Variants in ABCA13 observed in about 807,000 individuals in gnomAD.
ABCA13 encodes ATP-binding cassette sub-family A member 13.
ABCA13 carries 476 observed loss-of-function variants against 478.7 expected under a neutral mutation model. The ratio of observed to expected loss-of-function variants is 0.99; its 90% CI spans 0.92 to 1.07. ABCA13 has a LOEUF of 1.07. Among genes scored for constraint, ABCA13 ranks in the 50% least tolerant of loss-of-function variants. The probability of loss-of-function intolerance (pLI) is 0.00; values close to 1 mark genes in which losing one functional copy is unlikely to be tolerated. For missense variants in ABCA13, 6,060 were observed against 5,910.6 expected, an observed-to-expected ratio of 1.03 and a Z score of -0.83; for synonymous variants, 2,252 against 2,158.9, an observed-to-expected ratio of 1.04 and a Z score of -1.20.
intron 15 of ABCA13, among the ~76,000 whole-genome samples, chr7:48,249,661 C>T (rs950430887): frequency 1.3e-5 from 2 of 152,150 alleles, no homozygotes; most frequent in African/African-American, 4.8e-5. Context: ...TGATCCTACT[C>T]ACAAGAGTCC....
chr7:48,307,608 A>T (rs1801096681), intron 23 of ABCA13, among the ~76,000 whole-genome samples: 1 of 151,654 alleles, frequency 6.6e-6, no homozygotes, highest in Admixed American at 6.6e-5. Context: ...CTACATTTAT[A>T]AAAAAAAATT....
At chr7:48,630,487 C>T (rs962918838) in intron 59 of ABCA13, among the ~76,000 whole-genome samples, 2 of 152,124 alleles carry the variant, frequency 1.3e-5, no homozygotes, top group East Asian at 1.9e-4. Flanking sequence ...GCAGAAGACA[C>T]GATCTTGTTC....
intron 59 of ABCA13, chr7:48,627,099 T>C (rs1345481427): frequency 2.1e-6 from 2 of 944,204 alleles, no homozygotes; most frequent in African/African-American, 3.5e-5. Context: ...TGCCAAATGC[T>C]TTCTGTGCAT....
intron 8 of ABCA13, among the ~76,000 whole-genome samples, chr7:48,235,661 G>A (rs1365419946): frequency 6.6e-6 from 1 of 152,124 alleles, no homozygotes; most frequent in African/African-American, 2.4e-5. Flanking sequence ...GAGGTCAAGG[G>A]GACATACTGT....
At chr7:48,559,744 G>A (rs1786254595) in intron 55 of ABCA13, among the ~76,000 whole-genome samples, 1 of 152,090 alleles carries the variant, frequency 6.6e-6, no homozygotes, top group South Asian at 2.1e-4. Flanking sequence ...TTTCGTCATC[G>A]AGTGATGAGT....
At chr7:48,467,110 A>G (rs4917154) in intron 44 of ABCA13, 65 bp downstream of exon 44, 201,015 of 1,436,738 alleles carry the variant, frequency 0.14, 16,619 homozygotes, top group African/African-American at 0.3. Flanking sequence ...GCCTGGGAGG[A>G]CTGTTTTTCT....
chr7:48,530,995 A>C (rs1243008904), intron 55 of ABCA13, among the ~76,000 whole-genome samples: 1 of 152,132 alleles, frequency 6.6e-6, no homozygotes, highest in Non-Finnish European at 1.5e-5. Context: ...TAGCTTAATT[A>C]AGTCCCATCT....
chr7:48,353,047 G>A (rs917318767), intron 31 of ABCA13, among the ~76,000 whole-genome samples: 4 of 151,880 alleles, frequency 2.6e-5, no homozygotes, highest in African/African-American at 9.7e-5. Context: ...GACTTGGAGG[G>A]GACATCATGG....
chr7:48,506,530 C>G, intron 49 of ABCA13, 140 bp downstream of exon 49: 2 of 903,262 alleles, frequency 2.2e-6, no homozygotes, highest in South Asian at 3.0e-5. Flanking sequence ...GCCCACAGGA[C>G]TTGGGCATTT....
intron 58 of ABCA13, among the ~76,000 whole-genome samples, chr7:48,603,456 C>T (rs775276664): frequency 1.6e-4 from 25 of 152,170 alleles, no homozygotes; most frequent in Non-Finnish European, 3.4e-4. Flanking sequence ...TGAATTTTGT[C>T]GAAGGCTTTT....
At chr7:48,371,347 A>G (rs953501145) in intron 32 of ABCA13, among the ~76,000 whole-genome samples, 1 of 152,194 alleles carries the variant, frequency 6.6e-6, no homozygotes, top group African/African-American at 2.4e-5. Context: ...TGGGAATAGC[A>G]TTGAATCTAT....
In ABCA13 at chr7:48,647,221, C is replaced by T. The variant is rs1795483965; in HGVS notation, c.*1709C>T. ...AAATCTCTATTTCCTAAATATCATT[C>T]TATACAAAAGATATTTTTTAAACGG... On this transcript the variant is annotated 3_prime_UTR_variant, in exon 62 of 62. Coordinates refer to ENST00000435803, the MANE Select transcript of ABCA13 (RefSeq NM_152701.5). 6.6e-6 allele frequency: 1 copy of T among 152,140 alleles called. No individual in the cohort carries two copies. Among genetic ancestry groups the T allele is most frequent in the South Asian group, 2.1e-4 (1 of 4,814 alleles). The allele number at this position is 152,140 out of a possible 1,614,324, so 9.4% of individuals were successfully genotyped here. A position where few individuals can be genotyped will look rare whatever the true frequency, so the allele number is the denominator to read the frequency against.
At chr7:48,579,776 G>T (rs1490235742) in intron 55 of ABCA13, among the ~76,000 whole-genome samples, 1 of 152,154 alleles carries the variant, frequency 6.6e-6, no homozygotes, top group African/African-American at 2.4e-5. Flanking sequence ...CTATGGGAAG[G>T]TGAGGGGAGG....
chr7:48,624,406 A>G (rs1276582569), intron 59 of ABCA13, among the ~76,000 whole-genome samples: 2 of 152,126 alleles, frequency 1.3e-5, no homozygotes, highest in Non-Finnish European at 2.9e-5. Context: ...CTGACTTGGT[A>G]AAAACACTCC....
chr7:48,424,113 T>A (rs1475421484), intron 41 of ABCA13, among the ~76,000 whole-genome samples: 1 of 152,224 alleles, frequency 6.6e-6, no homozygotes, highest in Non-Finnish European at 1.5e-5. Context: ...CTTCTTAAAT[T>A]GGAAAGTGTA....
At chr7:48,294,062 T>C (rs1798976591) in intron 20 of ABCA13, among the ~76,000 whole-genome samples, 1 of 152,150 alleles carries the variant, frequency 6.6e-6, no homozygotes, top group Non-Finnish European at 1.5e-5. Context: ...TTGAAAAGCC[T>C]CAAGTTTCTT....
At chr7:48,327,529 C>A (rs1804525638) in intron 27 of ABCA13, among the ~76,000 whole-genome samples, 1 of 152,140 alleles carries the variant, frequency 6.6e-6, no homozygotes, top group Admixed American at 6.5e-5. Context: ...TCATTTACTT[C>A]TCACAAGAAC....
intron 15 of ABCA13, among the ~76,000 whole-genome samples, chr7:48,253,256 T>A (rs1169287733): frequency 6.6e-6 from 1 of 152,188 alleles, no homozygotes; most frequent in East Asian, 1.9e-4. Flanking sequence ...GCATCCAAAC[T>A]ATGCCACTTT....
At position 48,273,465 on chromosome 7, in the gene ABCA13, T is replaced by C. The variant is rs1250503907; in HGVS notation, c.3799T>C (p.Leu1267=). ...LFTMEAALHQ[L]KTFPFNESTS... ...CACCATGGAAGCTGCCCTGCATCAGTTGAAGACATTTCCATTCAACGAAAG... is the reference window on the plus strand; with the variant it reads ...CACCATGGAAGCTGCCCTGCATCAGCTGAAGACATTTCCATTCAACGAAAG... The change falls in exon 17 of 62, where the codon TTG becomes CTG. Residue 1267 remains leucine (L), a synonymous_variant. Transcript: ENST00000435803. 1 of 1,610,822 alleles carries C rather than the reference T, an allele frequency of 6.2e-7. No individual in the cohort carries two copies. The highest frequency in any genetic ancestry group is 8.5e-7 in the Non-Finnish European group (1 of 1,178,194).
Sources: gnomAD v4.1 joint callset for allele counts (sites outside exome capture counted in the v4.1 genomes callset) on GRCh38, gnomAD v4.1.1 for gene constraint, MANE v1.5 for transcripts, NCBI Gene and HGNC (gene_info 2026-07-23, HGNC 2026-07-21) for gene names.